DOCK2: variants seen among roughly 807,000 people sequenced by gnomAD.
DOCK2 encodes dedicator of cytokinesis 2.
DOCK2 carries 87 observed loss-of-function variants against 248.9 expected under a neutral mutation model. The observed-to-expected ratio is 0.35, with a 90% CI of 0.29 to 0.42. The LOEUF (loss-of-function observed/expected upper bound fraction) is 0.42, where lower values mean the gene tolerates loss of function less well. Among genes scored for constraint, DOCK2 ranks in the 10% least tolerant of loss-of-function variants. The pLI, the probability that DOCK2 is intolerant of heterozygous loss-of-function variation, is 1.00. For synonymous variants in DOCK2, 805 were observed against 821.6 expected (o/e 0.98, Z 0.35); for missense variants, 1,747 against 2,300.2 (o/e 0.76, Z 4.92).
At chr5:169,878,231 T>C (rs1772442466) in intron 27 of DOCK2, among the ~76,000 whole-genome samples, 1 of 152,196 alleles carries the variant, frequency 6.6e-6, no homozygotes, top group South Asian at 2.1e-4. Context: ...AGCCGATTCC[T>C]TAGGGCACCA....
intron 25 of DOCK2, among the ~76,000 whole-genome samples, chr5:169,789,324 A>C (rs989637288): frequency 3.0e-4 from 46 of 152,354 alleles, no homozygotes; most frequent in Middle Eastern, 3.4e-3. Context: ...GTACGTGTGC[A>C]TGTGTCTTTA....
chr5:169,652,481 A>T (rs147409527), intron 1 of DOCK2, among the ~76,000 whole-genome samples: 4 of 152,296 alleles, frequency 2.6e-5, no homozygotes, highest in Non-Finnish European at 5.9e-5. Context: ...CACAAAAGGG[A>T]GGTTAGGGAT....
Position 169,712,028 on chromosome 5 carries a change from C to T in DOCK2, c.1555+21C>T, listed in dbSNP as rs770563510. On this transcript the variant is annotated intron_variant, in intron 16 of 51. Transcript: ENST00000520908. ...GGAATGTGAGTACCATACTGAATGG[C>T]ATCTCTGCACCTCCCCCTAAGGGGA... 9.9e-6 allele frequency: 16 copies of T among 1,613,952 alleles called. No homozygotes were observed. The East Asian group carries it at 2.7e-4, about 27-fold the overall frequency.
At chr5:170,065,384 C>T (rs1036474855) in intron 44 of DOCK2, among the ~76,000 whole-genome samples, 4 of 152,082 alleles carry the variant, frequency 2.6e-5, no homozygotes, top group African/African-American at 7.2e-5. Flanking sequence ...AACAGAATGG[C>T]ATTAGTAAGT....
rs754028409 is a variant in DOCK2 at position 169,840,836 on chromosome 5, G to T, written c.2783G>T (p.Arg928Leu). Residue 928 changes from arginine (R) to leucine (L), a missense_variant, in exon 27 of 52, where the codon CGG becomes CTG. Physicochemically the swap from Arg to Leu is moderately radical, Grantham distance 102. This residue lies in a region of DOCK2 where 858 missense variants were observed against 1,183.5 expected (regional missense o/e 0.72). Coordinates refer to ENST00000520908, the MANE Select transcript of DOCK2 (RefSeq NM_004946.3). Reference sequence around the variant, plus strand: ...AACCGGACAGTCATCACCATGGGCCGGGATCACATTCTGATTGTGAGTGGA... The same window carrying T: ...AACCGGACAGTCATCACCATGGGCCTGGATCACATTCTGATTGTGAGTGGA... ...TVNRTVITMGRDHILISHFVA... is the reference protein window; with the variant it reads ...TVNRTVITMGLDHILISHFVA... 1.9e-6 allele frequency: 3 copies of T among 1,613,800 alleles called. No individual in the cohort carries two copies. The highest frequency in any genetic ancestry group is 2.5e-6 in the Non-Finnish European group (3 of 1,179,922).
rs1581561702 is a variant in DOCK2 at position 170,055,673 on chromosome 5, C to G, written c.4295+287C>G. On this transcript the variant is annotated intron_variant, in intron 42 of 51. Transcript: ENST00000520908. ...CTGGATGCAGTCAGCCTATTTGTTG[C>G]TCAGGTTGATCTCAGAGTGGCCCCA... is the stretch of plus-strand genomic sequence containing the variant. Among the ~76,000 whole-genome samples the G allele has an allele frequency of 2.0e-5, 3 of 152,346 alleles. No homozygotes were observed. The Middle Eastern group carries it at 0.01, about 518-fold the overall frequency.
chr5:170,052,075 C>A (rs1756936509), intron 41 of DOCK2, among the ~76,000 whole-genome samples: 1 of 152,220 alleles, frequency 6.6e-6, no homozygotes. Context: ...TAACTCCCAG[C>A]ATTGCACCGT....
chr5:169,838,317 T>A (rs1195163124), intron 26 of DOCK2, among the ~76,000 whole-genome samples: 1 of 152,188 alleles, frequency 6.6e-6, no homozygotes, highest in African/African-American at 2.4e-5. Context: ...CCTTCCTCAC[T>A]GGGTGACCCT....
In DOCK2 at chr5:170,008,536, A is replaced by G; in HGVS notation, c.3112A>G (p.Thr1038Ala). ...TTTTCATCTGGCAGTGGCTTTTATC[A>G]CCCAGGATTCTCTGCAGCTGGAGCA... Reference protein sequence around the residue: ...NYFHLAVAFITQDSLQLEQFS... With the variant: ...NYFHLAVAFIAQDSLQLEQFS... The change falls in exon 31 of 52, where the codon ACC (threonine) becomes GCC (alanine). Residue 1038 changes from threonine (T) to alanine (A), a missense_variant. Transcript: ENST00000520908. 3.7e-6 allele frequency: 6 copies of G among 1,614,056 alleles called. No individual in the cohort carries two copies. The highest frequency in any genetic ancestry group is 5.1e-6 in the Non-Finnish European group (6 of 1,179,948).
intron 26 of DOCK2, among the ~76,000 whole-genome samples, chr5:169,806,387 G>C (rs114687481): frequency 0.19 from 28,333 of 151,904 alleles, 3,128 homozygotes; most frequent in East Asian, 0.33. Context: ...GGCCTCAAGT[G>C]ATCCTCCTGC....
intron 27 of DOCK2, among the ~76,000 whole-genome samples, chr5:169,961,629 T>C (rs1055677751): frequency 1.3e-5 from 2 of 152,072 alleles, no homozygotes; most frequent in African/African-American, 2.4e-5. Context: ...TAAATAAATA[T>C]CTAATTAAAA....
intron 26 of DOCK2, among the ~76,000 whole-genome samples, chr5:169,825,320 T>G (rs1198776741): frequency 1.3e-5 from 2 of 152,142 alleles, no homozygotes; most frequent in Non-Finnish European, 2.9e-5. Context: ...CACATGTACA[T>G]GTATGTTTAT....
At position 169,642,565 on chromosome 5, in the gene DOCK2, G is replaced by C. The variant is rs529044539; in HGVS notation, c.43+5196G>C. 9.2e-5 allele frequency among the ~76,000 whole-genome samples: 14 copies of C among 152,252 alleles called. No homozygotes were observed. In the South Asian group the frequency reaches 2.5e-3, roughly 27 times the overall value. On this transcript the variant is annotated intron_variant, in intron 1 of 51. Transcript: ENST00000520908. ...TGCTACAGTGGCTGACTGTACCTTT[G>C]GATTGGTCCCCAGAAATTAGTCTGG...
At chr5:170,047,822 A>G (rs534808255) in intron 40 of DOCK2, among the ~76,000 whole-genome samples, 3 of 152,332 alleles carry the variant, frequency 2.0e-5, no homozygotes, top group Middle Eastern at 3.4e-3. Context: ...CTAACTACAC[A>G]GCAATTACAG....
intron 1 of DOCK2, among the ~76,000 whole-genome samples, chr5:169,642,922 C>T (rs937964186): frequency 6.6e-6 from 1 of 151,984 alleles, no homozygotes; most frequent in Admixed American, 6.5e-5. Context: ...TACTGCTCCG[C>T]TAATTTCTGG....
intron 22 of DOCK2, among the ~76,000 whole-genome samples, chr5:169,727,955 C>T (rs10475921): frequency 0.015 from 2,273 of 152,106 alleles, 68 homozygotes; most frequent in African/African-American, 0.052. Context: ...GAGATGGAGA[C>T]GGGTGATCAA....
chr5:169,873,285 G>C (rs542413640), intron 27 of DOCK2, among the ~76,000 whole-genome samples: 21 of 152,234 alleles, frequency 1.4e-4, no homozygotes, highest in Admixed American at 3.3e-4. Context: ...TCTCCTGTTG[G>C]GACTCAGAGA....
rs1389121134 is a variant in DOCK2, at chr5:169,714,452, G to A, written c.1936G>A (p.Val646Met). Residue 646 changes from valine (V) to methionine (M), a missense_variant, in exon 19 of 52, where the codon GTG (valine) becomes ATG (methionine). Physicochemically the swap from Val to Met is conservative, Grantham distance 21 (BLOSUM62 1). Around this residue, in one of 4 missense-constraint regions of DOCK2, gnomAD observed 858 missense variants for 1,183.5 expected, o/e 0.72. Coordinates refer to ENST00000520908, the MANE Select transcript of DOCK2 (RefSeq NM_004946.3). The stretch of plus-strand genomic sequence containing the variant: ...GAAGATTGTGGATGGAGAGGAAGTG[G>A]TGAAGGTCAGTGGGGCTTCATTTTG... Reference protein sequence around the residue: ...KLKIVDGEEVVKFLQDTLDAL... With the variant: ...KLKIVDGEEVMKFLQDTLDAL... The A allele has an allele frequency of 7.4e-6, 12 of 1,613,846 alleles. No homozygotes were observed. Among genetic ancestry groups the A allele is most frequent in the African/African-American group, 1.3e-5 (1 of 74,912 alleles).
At chr5:170,034,826 A>G (rs777310944) in intron 35 of DOCK2, among the ~76,000 whole-genome samples, 2 of 152,230 alleles carry the variant, frequency 1.3e-5, no homozygotes, top group Non-Finnish European at 2.9e-5. Context: ...GGAAGATGAC[A>G]GTATAGACTG....
Sources: allele counts gnomAD v4.1 joint callset (sites outside exome capture counted in the v4.1 genomes callset), GRCh38; gene constraint gnomAD v4.1.1; regional missense constraint gnomAD v4.1.1; transcripts MANE v1.5; gene names NCBI Gene and HGNC (gene_info 2026-07-23, HGNC 2026-07-21).